ASH1L: variants seen among roughly 807,000 people sequenced by gnomAD.
The protein encoded by ASH1L is histone-lysine N-methyltransferase ASH1L.
ASH1L carries 23 observed loss-of-function variants against 269.0 expected under a neutral mutation model. The ratio of observed to expected loss-of-function variants is 0.09; its 90% CI spans 0.06 to 0.12. The LOEUF is 0.12. ASH1L is among the 10% of genes least tolerant of loss of function. The pLI is 1.00. For synonymous variants in ASH1L, 1,187 were observed against 1,253.5 expected (o/e 0.95, Z 1.12); for missense variants, 2,912 against 3,567.8 (o/e 0.82, Z 4.68).
Position 155,480,857 on chromosome 1 carries a change from G to A in ASH1L, c.2013C>T (p.Asn671=). 6.2e-7 allele frequency: 1 copy of A among 1,613,840 alleles called. No individual in the cohort carries two copies. The highest frequency in any genetic ancestry group is 1.1e-5 in the South Asian group (1 of 91,002). Residue 671 remains asparagine, a synonymous_variant, in exon 3 of 28, where the codon AAC becomes AAT. Transcript: ENST00000392403. ...GCTTATTACTAAATAAACTAGTGAA[G>A]TTAACAACTGAAGGAGTAATAGTAT... ...SIHTITPSVV[N]FTSLFSNKPF...
At chr1:155,440,458 G>A (rs1460412991) in intron 4 of ASH1L, 1 of 389,168 alleles carries the variant, frequency 2.6e-6, no homozygotes, top group Non-Finnish European at 3.5e-6. Flanking sequence ...TTTAACTGCG[G>A]AGGTCCTCAA....
chr1:155,521,092 C>A lies in ASH1L; in HGVS notation c.420+8G>T. On this transcript the variant is annotated splice_region_variant and intron_variant, in intron 2 of 27. Coordinates refer to ENST00000392403, the MANE Select transcript of ASH1L (RefSeq NM_018489.3). ...CAATAACCACATATTGTTAGGAATT[C>A]TACTTACTCGTTTTGAAGGACAGTG... The A allele has an allele frequency of 6.3e-7, 1 of 1,581,618 alleles. No individual in the cohort carries two copies. The highest frequency in any genetic ancestry group is 1.2e-5 in the South Asian group (1 of 84,700).
intron 1 of ASH1L, among the ~76,000 whole-genome samples, chr1:155,560,402 T>G (rs539295161): frequency 7.2e-5 from 11 of 152,228 alleles, no homozygotes; most frequent in Non-Finnish European, 1.5e-4. Context: ...TTTCTTCATA[T>G]TCATAGAGGG....
chr1:155,551,340 A>G (rs978498855), intron 1 of ASH1L, among the ~76,000 whole-genome samples: 2 of 152,124 alleles, frequency 1.3e-5, no homozygotes, highest in Non-Finnish European at 2.9e-5. Flanking sequence ...ATATACCAGG[A>G]ATTTCTTCAG....
chr1:155,352,631 C>A, intron 17 of ASH1L, 75 bp downstream of exon 17: 2 of 1,423,278 alleles, frequency 1.4e-6, no homozygotes, highest in Middle Eastern at 2.6e-4. Flanking sequence ...ATAGCAAGAC[C>A]CTATCTCTAT....
At chr1:155,401,499 T>G (rs1350283701) in intron 6 of ASH1L, among the ~76,000 whole-genome samples, 41 of 143,836 alleles carry the variant, frequency 2.9e-4, no homozygotes, top group Middle Eastern at 3.7e-3. Flanking sequence ...AAAAAAAGAT[T>G]GGTAGGGCAC....
In ASH1L at chr1:155,380,066, G is replaced by C; in HGVS notation, c.6154C>G (p.Leu2052Val). ...RIDFQLPYDILWQWKHNQLYK... is the reference protein window; with the variant it reads ...RIDFQLPYDIVWQWKHNQLYK... ...ACCTGATTGTGTTTCCACTGCCAAA[G>C]GATATCATAAGGAAGCTGGAAGTCA... The change falls in exon 8 of 28, where the codon CTT (leucine) becomes GTT (valine). Residue 2052 changes from leucine to valine, a missense_variant. Around this residue, in one of 13 missense-constraint regions of ASH1L, gnomAD observed 193 missense variants for 311.6 expected, o/e 0.62. Coordinates refer to ENST00000392403, the MANE Select transcript of ASH1L (RefSeq NM_018489.3). The C allele has an allele frequency of 6.2e-7, 1 of 1,612,844 alleles. No homozygotes were observed. The highest frequency in any genetic ancestry group is 2.2e-5 in the East Asian group (1 of 44,800).
At chr1:155,475,502 A>G (rs1009047369) in intron 3 of ASH1L, among the ~76,000 whole-genome samples, 3 of 152,168 alleles carry the variant, frequency 2.0e-5, no homozygotes, top group Non-Finnish European at 2.9e-5. Context: ...TAACTATCTA[A>G]TTAGATCCCC....
chr1:155,434,772 A>G (rs1216988354), intron 5 of ASH1L, among the ~76,000 whole-genome samples: 1 of 152,070 alleles, frequency 6.6e-6, no homozygotes, highest in Admixed American at 6.6e-5. Flanking sequence ...AATCACTTGA[A>G]CCTGGGAGGC....
chr1:155,403,439 A>G (rs959950302), intron 6 of ASH1L, among the ~76,000 whole-genome samples: 2 of 152,190 alleles, frequency 1.3e-5, no homozygotes, highest in Non-Finnish European at 2.9e-5. Flanking sequence ...TAACTATGCT[A>G]TTGACTAACT....
chr1:155,496,903 C>A (rs879764965), intron 2 of ASH1L, among the ~76,000 whole-genome samples: 3 of 152,086 alleles, frequency 2.0e-5, no homozygotes, highest in Non-Finnish European at 4.4e-5. Flanking sequence ...GTCACAACCT[C>A]CCAAAGTGCT....
chr1:155,387,765 C>T (rs1333125334), intron 7 of ASH1L, among the ~76,000 whole-genome samples: 2 of 152,070 alleles, frequency 1.3e-5, no homozygotes, highest in Admixed American at 1.3e-4. Context: ...TCTTCCAATC[C>T]ATAAGCATGG....
At chr1:155,502,134 G>A (rs1288970417) in intron 2 of ASH1L, among the ~76,000 whole-genome samples, 2 of 135,368 alleles carry the variant, frequency 1.5e-5, no homozygotes, top group Non-Finnish European at 3.2e-5. Context: ...GCAATGGCGC[G>A]ATCTTGGCTC....
chr1:155,459,991 T>G (rs1394365945), intron 3 of ASH1L, 93 bp from the exon 4 acceptor site: 2 of 898,308 alleles, frequency 2.2e-6, no homozygotes, highest in East Asian at 5.1e-5. Flanking sequence ...ACAGTTTAGT[T>G]GCTGCCACTG....
At chr1:155,423,601 A>C (rs1029970467) in intron 5 of ASH1L, among the ~76,000 whole-genome samples, 6 of 151,834 alleles carry the variant, frequency 4.0e-5, no homozygotes, top group Admixed American at 2.0e-4. Context: ...AAACAAAAAA[A>C]CCCCTGCATT....
chr1:155,374,986 G>A (rs1656305908), intron 10 of ASH1L, among the ~76,000 whole-genome samples: 1 of 151,914 alleles, frequency 6.6e-6, no homozygotes, highest in Non-Finnish European at 1.5e-5. Flanking sequence ...GCTAACTTTT[G>A]TATTTTTTGT....
Position 155,493,760 on chromosome 1 carries a change from GC to G in ASH1L, c.421-11312del, listed in dbSNP as rs1666968147. On this transcript the variant is annotated intron_variant, in intron 2 of 27. Transcript: ENST00000392403. ...GTGGCAGTGTGTGCCTGTAATCCCA[GC>G]TACTTGGCAGGCTGAGGCGGAAGAA... Among the ~76,000 whole-genome samples the G allele has an allele frequency of 3.3e-5, 5 of 152,238 alleles. No individual in the cohort carries two copies. In the South Asian group the frequency reaches 1.0e-3, roughly 32 times the overall value.
intron 7 of ASH1L, among the ~76,000 whole-genome samples, chr1:155,390,237 TTAA>T (rs1458067728): frequency 6.6e-6 from 1 of 152,202 alleles, no homozygotes; most frequent in Non-Finnish European, 1.5e-5. Flanking sequence ...GCCAGTATCT[TTAA>T]TAATTTAGAT....
At chr1:155,524,826 C>G (rs1003874645) in intron 1 of ASH1L, among the ~76,000 whole-genome samples, 5 of 151,790 alleles carry the variant, frequency 3.3e-5, no homozygotes, top group African/African-American at 7.3e-5. Context: ...GGCAACAGAA[C>G]AAGACCCTGT....
Sources: allele counts gnomAD v4.1 joint callset (sites outside exome capture counted in the v4.1 genomes callset), GRCh38; gene constraint gnomAD v4.1.1; regional missense constraint gnomAD v4.1.1; transcripts MANE v1.5; gene names NCBI Gene and HGNC (gene_info 2026-07-23, HGNC 2026-07-21).